The following HS2ST1 variants were observed in gnomAD, a reference collection of about 807,000 sequenced individuals.
HS2ST1 encodes 2-O-sulfotransferase.
In HS2ST1, 18 loss-of-function variants were observed where a neutral mutation model predicts 42.9. The ratio of observed to expected loss-of-function variants is 0.42; its 90% CI spans 0.29 to 0.62. The LOEUF (loss-of-function observed/expected upper bound fraction) is 0.62, where lower values mean the gene tolerates loss of function less well. Ranked by LOEUF, HS2ST1 falls within the 20% of genes least tolerant of loss-of-function variation. The probability of loss-of-function intolerance (pLI) is 0.21; values close to 1 mark genes in which losing one functional copy is unlikely to be tolerated. For missense variants in HS2ST1, 334 were observed against 433.8 expected, an observed-to-expected ratio of 0.77 and a Z score of 2.04; for synonymous variants, 146 against 152.9, an observed-to-expected ratio of 0.95 and a Z score of 0.33.
At chr1:86,957,203 G>A (rs1201978426) in intron 1 of HS2ST1, among the ~76,000 whole-genome samples, 2 of 152,062 alleles carry the variant, frequency 1.3e-5, no homozygotes, top group African/African-American at 4.8e-5. Flanking sequence ...TAAAGAGCAA[G>A]GATAAATGAT....
At chr1:87,023,188 A>G (rs1381578689) in intron 1 of HS2ST1, among the ~76,000 whole-genome samples, 1 of 152,208 alleles carries the variant, frequency 6.6e-6, no homozygotes, top group Non-Finnish European at 1.5e-5. Context: ...AATAATTTGG[A>G]AAAAATATAC....
chr1:87,006,829 T>A (rs377412259), intron 1 of HS2ST1, among the ~76,000 whole-genome samples: 1 of 152,088 alleles, frequency 6.6e-6, no homozygotes, highest in East Asian at 1.9e-4. Context: ...TTATTAGCAA[T>A]AATTTTTGTT....
rs143742982 is a variant in HS2ST1, at chr1:87,018,779, C to T, written c.125-54155C>T. ...TTTAGTTCTAAGGGTGGTGGTTGCG[C>T]CTTATCATGTTCTAGAGTTCTCCTT... is the stretch of plus-strand genomic sequence containing the variant. On this transcript the variant is annotated intron_variant, in intron 1 of 6. Transcript: ENST00000370550. 5.9e-5 allele frequency among the ~76,000 whole-genome samples: 9 copies of T among 152,206 alleles called. No individual in the cohort carries two copies. The East Asian group carries it at 1.7e-3, about 29-fold the overall frequency.
intron 1 of HS2ST1, among the ~76,000 whole-genome samples, chr1:87,059,046 G>GA (rs1651050478): frequency 6.6e-6 from 1 of 152,134 alleles, no homozygotes; most frequent in South Asian, 2.1e-4. Flanking sequence ...GCAACAGAGT[G>GA]AGACTCCGTC....
intron 1 of HS2ST1, among the ~76,000 whole-genome samples, chr1:86,925,720 A>T (rs942152314): frequency 6.6e-6 from 1 of 152,196 alleles, no homozygotes; most frequent in Non-Finnish European, 1.5e-5. Flanking sequence ...TGTGAATTCA[A>T]CATGAGATTT....
At chr1:87,045,773 T>C in intron 1 of HS2ST1, 4 of 917,628 alleles carry the variant, frequency 4.4e-6, no homozygotes, top group Non-Finnish European at 7.2e-6. Context: ...TCCTGAGGTT[T>C]GTAGCAGAGG....
chr1:86,969,798 T>G (rs6696808), intron 1 of HS2ST1, among the ~76,000 whole-genome samples: 2 of 151,642 alleles, frequency 1.3e-5, no homozygotes, highest in Admixed American at 6.6e-5. Context: ...TGTTTACTGA[T>G]AAGACTGAGT....
At chr1:86,921,460 T>TC (rs984066443) in intron 1 of HS2ST1, among the ~76,000 whole-genome samples, 1 of 152,088 alleles carries the variant, frequency 6.6e-6, no homozygotes, top group African/African-American at 2.4e-5. Context: ...TGTTAATGTC[T>TC]CCCCCAAAAT....
intron 1 of HS2ST1, among the ~76,000 whole-genome samples, chr1:87,043,356 A>G (rs6704152): frequency 0.85 from 128,980 of 152,018 alleles, 55,802 homozygotes; most frequent in East Asian, 0.99. Context: ...AGAATACAGG[A>G]TCATTTTGTA....
intron 1 of HS2ST1, among the ~76,000 whole-genome samples, chr1:86,982,399 A>G (rs1340653295): frequency 6.6e-6 from 1 of 152,188 alleles, no homozygotes; most frequent in Non-Finnish European, 1.5e-5. Context: ...TTCTACCACA[A>G]GTCAGGCTGC....
At position 87,003,162 on chromosome 1, in the gene HS2ST1, A is replaced by G. The variant is rs550185281; in HGVS notation, c.125-69772A>G. On this transcript the variant is annotated intron_variant, in intron 1 of 6. Coordinates refer to ENST00000370550, the MANE Select transcript of HS2ST1 (RefSeq NM_012262.4). ...AGGGAAAGCAAAGTATTGGTGCCTCATAAGTTTTGAAGAAACCCTTGACTG... is the reference window on the plus strand; with the variant it reads ...AGGGAAAGCAAAGTATTGGTGCCTCGTAAGTTTTGAAGAAACCCTTGACTG... 2.6e-5 allele frequency among the ~76,000 whole-genome samples: 4 copies of G among 152,380 alleles called. No homozygotes were observed. In the South Asian group the frequency reaches 8.3e-4, roughly 32 times the overall value.
chr1:86,973,990 A>G (rs1263819449), intron 1 of HS2ST1, among the ~76,000 whole-genome samples: 1 of 152,320 alleles, frequency 6.6e-6, no homozygotes, highest in Admixed American at 6.5e-5. Flanking sequence ...CCTGACACAG[A>G]GAACATGAAA....
chr1:87,077,007 C>T (rs1651562683), intron 2 of HS2ST1, among the ~76,000 whole-genome samples: 1 of 152,116 alleles, frequency 6.6e-6, no homozygotes, highest in Admixed American at 6.5e-5. Context: ...TGAATTTTCT[C>T]CACCTATAAT....
intron 1 of HS2ST1, among the ~76,000 whole-genome samples, chr1:86,959,028 A>C (rs1647751463): frequency 6.6e-6 from 1 of 152,226 alleles, no homozygotes; most frequent in African/African-American, 2.4e-5. Context: ...CATTTGATAA[A>C]ATCCAACATC....
intron 1 of HS2ST1, among the ~76,000 whole-genome samples, chr1:87,042,782 A>G (rs960673733): frequency 1.3e-5 from 2 of 152,146 alleles, no homozygotes; most frequent in Non-Finnish European, 1.5e-5. Context: ...ATAGATTATA[A>G]TTGGCGATAT....
chr1:86,931,955 G>T (rs1383747357), intron 1 of HS2ST1, among the ~76,000 whole-genome samples: 1 of 151,710 alleles, frequency 6.6e-6, no homozygotes, highest in East Asian at 1.9e-4. Flanking sequence ...TCTTCTTTTT[G>T]TAGAGACAAG....
chr1:86,944,529 A>T (rs938074658), intron 1 of HS2ST1, among the ~76,000 whole-genome samples: 1 of 151,550 alleles, frequency 6.6e-6, no homozygotes, highest in Admixed American at 6.6e-5. Context: ...TCATTTTTGT[A>T]TTTTTAGTAG....
At chr1:87,011,975 A>G (rs894991617) in intron 1 of HS2ST1, among the ~76,000 whole-genome samples, 6 of 152,370 alleles carry the variant, frequency 3.9e-5, no homozygotes, top group African/African-American at 1.4e-4. Context: ...TTGTATTTGC[A>G]TAGTAACGTA....
chr1:87,069,358 CTAGT>C (rs1347306147), intron 1 of HS2ST1, among the ~76,000 whole-genome samples: 2 of 152,314 alleles, frequency 1.3e-5, no homozygotes, highest in African/African-American at 2.4e-5. Flanking sequence ...TGTGGCATAA[CTAGT>C]TAACTTTCTT....
Sources: gnomAD v4.1 joint callset for allele counts (sites outside exome capture counted in the v4.1 genomes callset) on GRCh38, gnomAD v4.1.1 for gene constraint, MANE v1.5 for transcripts, NCBI Gene and HGNC (gene_info 2026-07-23, HGNC 2026-07-21) for gene names.